The following HIVEP3 variants were observed in gnomAD, a reference collection of about 807,000 sequenced individuals.
HIVEP3 encodes the protein HIVEP zinc finger 3.
In HIVEP3, 49 loss-of-function variants were observed where a neutral mutation model predicts 152.8. That is an observed-to-expected ratio of 0.32 (90% CI 0.26 to 0.41). The LOEUF is 0.41. Ranked by LOEUF, HIVEP3 falls within the 10% of genes least tolerant of loss-of-function variation. The pLI is 1.00. For synonymous variants in HIVEP3, 1,269 were observed against 1,289.0 expected (o/e 0.98, Z 0.33); for missense variants, 2,790 against 3,103.3 (o/e 0.90, Z 2.40).
At chr1:41,973,073 C>CACACAA (rs1553139445) in intron 1 of HIVEP3, among the ~76,000 whole-genome samples, 1 of 151,550 alleles carries the variant, frequency 6.6e-6, no homozygotes, top group African/African-American at 2.4e-5. Flanking sequence ...CACACACACA[C>CACACAA]AATTATGAAA....
chr1:41,506,758 T>G lies in HIVEP3; in HGVS notation c.*3693A>C, dbSNP rs759691476. ...CATATCTACAGTACAATTTTTGGAA[T>G]GTATTGCCATTTAAGAACATAGAAA... On this transcript the variant is annotated 3_prime_UTR_variant, in exon 9 of 9. Transcript: ENST00000372583. 21 of 152,194 alleles carry G rather than the reference T, an allele frequency of 1.4e-4. No homozygotes were observed. Among genetic ancestry groups the G allele is most frequent in the Admixed American group, 6.5e-5 (1 of 15,274 alleles). The allele number at this position is 152,194 out of a possible 1,614,324, so 9.4% of individuals were successfully genotyped here.
chr1:41,757,487 C>T (rs1647389645), intron 1 of HIVEP3, among the ~76,000 whole-genome samples: 1 of 151,670 alleles, frequency 6.6e-6, no homozygotes, highest in South Asian at 2.1e-4. Context: ...TCACTTGAGC[C>T]AAGGAGTTTG....
At chr1:41,816,617 T>G (rs1316305631) in intron 1 of HIVEP3, among the ~76,000 whole-genome samples, 1 of 152,132 alleles carries the variant, frequency 6.6e-6, no homozygotes, top group Admixed American at 6.5e-5. Context: ...AGGCAGGAGT[T>G]GCAGTGGGCT....
chr1:41,628,586 G>T (rs935057410), intron 3 of HIVEP3, among the ~76,000 whole-genome samples, 163 bp downstream of exon 3: 3 of 152,200 alleles, frequency 2.0e-5, no homozygotes, highest in Non-Finnish European at 4.4e-5. Context: ...ACCAAGGAAG[G>T]TTGAGGACTT....
chr1:41,761,409 C>A (rs889771824), intron 1 of HIVEP3, among the ~76,000 whole-genome samples: 10 of 151,510 alleles, frequency 6.6e-5, no homozygotes, highest in Non-Finnish European at 1.3e-4. Context: ...TGTGCACATG[C>A]ATGTGCATGT....
intron 1 of HIVEP3, among the ~76,000 whole-genome samples, chr1:41,893,860 A>T (rs983114743): frequency 1.4e-5 from 2 of 147,296 alleles, no homozygotes; most frequent in African/African-American, 4.9e-5. Flanking sequence ...AATATGAAAA[A>T]ATTATATATT....
At chr1:41,772,871 A>T (rs1648466352) in intron 1 of HIVEP3, among the ~76,000 whole-genome samples, 1 of 152,200 alleles carries the variant, frequency 6.6e-6, no homozygotes, top group Non-Finnish European at 1.5e-5. Context: ...GTGCCACTGC[A>T]CTCCAACCGG....
At chr1:41,967,337 C>A (rs138495186) in intron 1 of HIVEP3, among the ~76,000 whole-genome samples, 1 of 152,262 alleles carries the variant, frequency 6.6e-6, no homozygotes, top group Admixed American at 6.5e-5. Flanking sequence ...GAACTGAAAT[C>A]ATAGCAAACA....
rs188040181 is a variant in HIVEP3 at position 41,758,918 on chromosome 1, C to T, written c.-800-57923G>A. Among the ~76,000 whole-genome samples, 258 of 152,272 alleles carry T rather than the reference C, an allele frequency of 1.7e-3. 4 individuals are homozygous for T. The Middle Eastern group carries it at 0.024, about 14-fold the overall frequency. Reference sequence around the variant, plus strand: ...TGTACTGTGACCAATGACTCCCTCACTCCCATCTTTTTTAAATTGTCGTAA... The same window carrying T: ...TGTACTGTGACCAATGACTCCCTCATTCCCATCTTTTTTAAATTGTCGTAA... On this transcript the variant is annotated intron_variant, in intron 1 of 8. Transcript: ENST00000372583.
At chr1:42,001,896 T>TG (rs1557557142) in intron 1 of HIVEP3, among the ~76,000 whole-genome samples, 1 of 152,028 alleles carries the variant, frequency 6.6e-6, no homozygotes, top group South Asian at 2.1e-4. Flanking sequence ...ATCCATCAAC[T>TG]GGGGGGTAGC....
In HIVEP3 at chr1:41,581,897, G is replaced by A. The variant is rs1558083963; in HGVS notation, c.2901C>T (p.Arg967=). The A allele has an allele frequency of 1.2e-6, 2 of 1,613,856 alleles. No individual in the cohort carries two copies. Among genetic ancestry groups the A allele is most frequent in the Non-Finnish European group, 1.7e-6 (2 of 1,179,844 alleles). Residue 967 remains arginine, a synonymous_variant, in exon 4 of 9, where the codon CGC becomes CGT. Transcript: ENST00000372583. This position sits in a 1 kb window ranked among gnomAD's most constrained non-coding sequence, Gnocchi z 4.5. ...AEAPSPSSDM[R]PKPLGTHMLT... ...ACATGTGGGTGCCCAGGGGTTTGGG[G>A]CGCATGTCAGATGAGGGACTGGGGG... is the stretch of plus-strand genomic sequence containing the variant.
At chr1:41,742,759 C>A (rs971598071) in intron 1 of HIVEP3, among the ~76,000 whole-genome samples, 10 of 152,188 alleles carry the variant, frequency 6.6e-5, no homozygotes, top group African/African-American at 2.2e-4. Context: ...TAGCTTCTCT[C>A]CCTCTGTCGC....
chr1:41,794,127 GGA>G lies in HIVEP3; in HGVS notation c.-800-93134_-800-93133del, dbSNP rs372391152. On this transcript the variant is annotated intron_variant, in intron 1 of 8. Transcript: ENST00000372583. ...AATTTATAAAGGAAAGAGTTTTAAT[GGA>G]CTTAGTTCCACATGGCTGGGGATGC... Among the ~76,000 whole-genome samples the G allele has an allele frequency of 8.4e-3, 1,280 of 152,260 alleles. 8 individuals carry two copies. The highest frequency in any genetic ancestry group is 0.024 in the Middle Eastern group (7 of 294).
chr1:41,539,782 T>C (rs1481865927), intron 5 of HIVEP3, among the ~76,000 whole-genome samples: 1 of 152,280 alleles, frequency 6.6e-6, no homozygotes, highest in Non-Finnish European at 1.5e-5. Flanking sequence ...CTTCTCATTA[T>C]TATTTTTGCT....
At chr1:41,741,809 C>A (rs1245623421) in intron 1 of HIVEP3, among the ~76,000 whole-genome samples, 5 of 152,208 alleles carry the variant, frequency 3.3e-5, no homozygotes, top group Admixed American at 2.6e-4. Context: ...CCTAAACATC[C>A]CGATTTGTCA....
At chr1:41,801,755 A>G (rs1558281715) in intron 1 of HIVEP3, among the ~76,000 whole-genome samples, 1 of 152,020 alleles carries the variant, frequency 6.6e-6, no homozygotes, top group African/African-American at 2.4e-5. Context: ...AAAAAATAAA[A>G]TAAGATAAAA....
intron 1 of HIVEP3, among the ~76,000 whole-genome samples, chr1:41,866,926 C>T (rs141045599): frequency 3.9e-5 from 6 of 152,356 alleles, no homozygotes; most frequent in East Asian, 1.9e-4. Flanking sequence ...GGACACTCAA[C>T]GTCAGGATAC....
intron 7 of HIVEP3, among the ~76,000 whole-genome samples, chr1:41,514,428 G>A (rs1640461300): frequency 6.6e-6 from 1 of 152,214 alleles, no homozygotes. Context: ...GCCATCCGTG[G>A]TCAGTGTACA....
intron 3 of HIVEP3, among the ~76,000 whole-genome samples, chr1:41,619,039 G>A (rs1235923911): frequency 6.7e-6 from 1 of 150,254 alleles, no homozygotes; most frequent in African/African-American, 2.5e-5. Flanking sequence ...AGCCTCCACA[G>A]CCTCCTTCGG....
Sources: gnomAD v4.1 joint callset for allele counts (sites outside exome capture counted in the v4.1 genomes callset) on GRCh38, gnomAD v4.1.1 for gene constraint, Gnocchi (gnomAD v3.1) non-coding constraint, MANE v1.5 for transcripts, NCBI Gene and HGNC (gene_info 2026-07-23, HGNC 2026-07-21) for gene names.